The following TLR2 variants were observed in gnomAD, a reference collection of about 807,000 sequenced individuals.
TLR2 encodes the protein toll like receptor 2.
In TLR2, 7 loss-of-function variants were observed where a neutral mutation model predicts 9.1. That is an observed-to-expected ratio of 0.77 (90% CI 0.44 to 1.44). TLR2 has a LOEUF of 1.44. Among genes scored for constraint, TLR2 ranks in the 40% most tolerant of loss-of-function variants. The pLI is 0.01. For missense variants in TLR2, 812 were observed against 904.6 expected (o/e 0.90, Z 1.31); for synonymous variants, 317 against 344.6 (o/e 0.92, Z 0.89).
At chr4:153,691,644 C>T (rs1347235620) in intron 2 of TLR2, among the ~76,000 whole-genome samples, 1 of 152,086 alleles carries the variant, frequency 6.6e-6, no homozygotes, top group Non-Finnish European at 1.5e-5. Flanking sequence ...TTGTTAATTG[C>T]TGAGGGCTAA....
intron 2 of TLR2, among the ~76,000 whole-genome samples, chr4:153,693,198 G>A (rs990876905): frequency 3.9e-5 from 6 of 152,100 alleles, no homozygotes; most frequent in African/African-American, 1.4e-4. Context: ...GTACTTGCAC[G>A]CCTTTTAAAT....
At position 153,704,639 on chromosome 4, in the gene TLR2, G is replaced by A. The variant is rs766218196; in HGVS notation, c.1732G>A (p.Val578Ile). The A allele has an allele frequency of 1.9e-5, 31 of 1,613,444 alleles. 1 individual carries two copies. In the Admixed American group the frequency reaches 5.2e-4, roughly 27 times the overall value. Residue 578 changes from valine (V) to isoleucine (I), a missense_variant, in exon 3 of 3, where the codon GTC becomes ATC. Coordinates refer to ENST00000642700, the MANE Select transcript of TLR2 (RefSeq NM_001318789.2). ...SHVRGQQVQD[V>I]RLSVSECHRT... ...TGTGCGTGGCCAGCAGGTTCAGGATGTCCGCCTCTCGGTGTCGGAATGTCA... is the reference window on the plus strand; with the variant it reads ...TGTGCGTGGCCAGCAGGTTCAGGATATCCGCCTCTCGGTGTCGGAATGTCA...
chr4:153,710,119 G>C, downstream of TLR2: 1 of 352,472 alleles, frequency 2.8e-6, no homozygotes, highest in Non-Finnish European at 5.2e-6. Flanking sequence ...CCACAGTGCA[G>C]TGTAACAAAT....
At chr4:153,697,961 C>T (rs1736619552) in intron 2 of TLR2, among the ~76,000 whole-genome samples, 1 of 152,148 alleles carries the variant, frequency 6.6e-6, no homozygotes, top group Non-Finnish European at 1.5e-5. Flanking sequence ...TGTGAACTCT[C>T]ATCATATCTT....
At chr4:153,702,747 TC>T in intron 2 of TLR2, 144 bp from the exon 3 acceptor site, 1 of 660,226 alleles carries the variant, frequency 1.5e-6, no homozygotes, top group South Asian at 2.3e-5. Context: ...CATCTGTTTC[TC>T]TCTCTCTCTC....
At position 153,705,075 on chromosome 4, in the gene TLR2, G is replaced by T; in HGVS notation, c.2168G>T (p.Arg723Leu). ...CKYELDFSHFRLFDENNDAAI... is the reference protein window; with the variant it reads ...CKYELDFSHFLLFDENNDAAI... ...TATGAACTGGACTTCTCCCATTTCC[G>T]TCTTTTTGATGAGAACAATGATGCT... is the stretch of plus-strand genomic sequence containing the variant. The change falls in exon 3 of 3, where the codon CGT becomes CTT. Residue 723 changes from arginine to leucine, a missense_variant. By Grantham distance (102) the Arg-to-Leu change is moderately radical. Coordinates refer to ENST00000642700, the MANE Select transcript of TLR2 (RefSeq NM_001318789.2). The T allele has an allele frequency of 3.1e-6, 5 of 1,614,028 alleles. No homozygotes were observed. Among genetic ancestry groups the T allele is most frequent in the Non-Finnish European group, 3.4e-6 (4 of 1,179,998 alleles).
chr4:153,689,314 A>G (rs1450609687), intron 2 of TLR2, among the ~76,000 whole-genome samples: 1 of 152,224 alleles, frequency 6.6e-6, no homozygotes, highest in Non-Finnish European at 1.5e-5. Flanking sequence ...CCACTATACC[A>G]TCATGTTTCC....
At chr4:153,709,681 G>A (rs529900739), downstream of TLR2, among the ~76,000 whole-genome samples, 15 of 152,342 alleles carry the variant, frequency 9.8e-5, no homozygotes, top group Admixed American at 7.8e-4. Flanking sequence ...AAAGCAGAGT[G>A]CCACAATGGA....
intron 2 of TLR2, among the ~76,000 whole-genome samples, chr4:153,696,615 A>G (rs983684177): frequency 2.0e-5 from 3 of 152,206 alleles, no homozygotes; most frequent in Non-Finnish European, 4.4e-5. Flanking sequence ...CCATTACCAA[A>G]TGTGTTTTCT....
Position 153,704,181 on chromosome 4 carries a change from TTCA to T in TLR2, c.1276_1278del (p.His426del). 6.2e-7 allele frequency: 1 copy of T among 1,614,114 alleles called. No homozygotes were observed. Among genetic ancestry groups the T allele is most frequent in the Non-Finnish European group, 8.5e-7 (1 of 1,180,024 alleles). ...AACATTGATATCAGTAAGAATAGTT[TTCA>T]TTCTATGCCTGAAACTTGTCAGTGG... On this transcript the variant is annotated inframe_deletion, in exon 3 of 3. Transcript: ENST00000642700.
rs888551058 is a variant in TLR2, at chr4:153,687,814, C to T, written c.-162-88C>T. The T allele has an allele frequency of 2.0e-5, 3 of 152,308 alleles. No individual in the cohort carries two copies. The South Asian group carries it at 6.2e-4, about 32-fold the overall frequency. The allele number at this position is 152,308 out of a possible 1,614,324, so 9.4% of individuals were successfully genotyped here. A position where few individuals can be genotyped will look rare whatever the true frequency, so the allele number is the denominator to read the frequency against. ...CTCACTGCTCACACTGTTGGATGCT[C>T]TCTGAAACTTTTGTGAATCTGAGTG... On this transcript the variant is annotated intron_variant, in intron 1 of 2. Coordinates refer to ENST00000642700, the MANE Select transcript of TLR2 (RefSeq NM_001318789.2).
chr4:153,706,894 T>C (rs1346655756), downstream of TLR2, among the ~76,000 whole-genome samples: 4 of 152,194 alleles, frequency 2.6e-5, no homozygotes, highest in African/African-American at 9.7e-5. Context: ...GGAATGTAAG[T>C]AAACCATGAG....
At chr4:153,697,229 C>G (rs141049867) in intron 2 of TLR2, among the ~76,000 whole-genome samples, 45 of 152,070 alleles carry the variant, frequency 3.0e-4, no homozygotes, top group Admixed American at 2.9e-3. Context: ...CATACTGACA[C>G]AGAACTAGAA....
In TLR2 at chr4:153,703,396, T is replaced by C. The variant is rs145457376; in HGVS notation, c.489T>C (p.Thr163=). 3.1e-6 allele frequency: 5 copies of C among 1,614,064 alleles called. No individual in the cohort carries two copies. Among genetic ancestry groups the C allele is most frequent in the Non-Finnish European group, 4.2e-6 (5 of 1,180,020 alleles). ...GAGTGGGAAATATGGACACCTTCAC[T>C]AAGATTCAAAGAAAAGATTTTGCTG... ...ILRVGNMDTF[T]KIQRKDFAGL... Residue 163 remains threonine, a synonymous_variant, in exon 3 of 3, where the codon ACT becomes ACC. Transcript: ENST00000642700.
intron 1 of TLR2, among the ~76,000 whole-genome samples, chr4:153,685,674 A>G (rs1050978067): frequency 1.3e-5 from 2 of 152,236 alleles, no homozygotes; most frequent in African/African-American, 4.8e-5. Flanking sequence ...AACTGCCAGA[A>G]GTTGACAGCA....
intron 2 of TLR2, 150 bp from the exon 3 acceptor site, chr4:153,702,742 G>A: frequency 1.4e-6 from 1 of 690,312 alleles, no homozygotes. Flanking sequence ...CCATTCATCT[G>A]TTTCTCTCTC....
chr4:153,705,476 C>A lies in TLR2; in HGVS notation c.*214C>A. The A allele has an allele frequency of 2.1e-6, 1 of 471,774 alleles. No homozygotes were observed. Among genetic ancestry groups the A allele is most frequent in the Non-Finnish European group, 3.8e-6 (1 of 262,202 alleles). The allele number at this position is 471,774 out of a possible 1,614,324, so 29.2% of individuals were successfully genotyped here. ...AATTGGTTTTTGGTTTTTCTTTTTT[C>A]TATGAGATAACCATGATCATAAGTC... On this transcript the variant is annotated 3_prime_UTR_variant, in exon 3 of 3. Coordinates refer to ENST00000642700, the MANE Select transcript of TLR2 (RefSeq NM_001318789.2).
chr4:153,703,350 T>TC lies in TLR2; in HGVS notation c.444dup (p.Thr149HisfsTer16). The TC allele has an allele frequency of 6.2e-7, 1 of 1,614,060 alleles. No homozygotes were observed. The highest frequency in any genetic ancestry group is 1.1e-5 in the South Asian group (1 of 91,024). ...GGGGAAACATCTCTTTTTTCTCATC[T>TC]CACAAAATTGCAAATCCTGAGAGTG... On this transcript the variant is annotated frameshift_variant, in exon 3 of 3. Transcript: ENST00000642700. LOFTEE classifies it low-confidence loss of function (END_TRUNC).
At chr4:153,699,888 A>G (rs918381063) in intron 2 of TLR2, among the ~76,000 whole-genome samples, 1 of 152,184 alleles carries the variant, frequency 6.6e-6, no homozygotes, top group African/African-American at 2.4e-5. Flanking sequence ...TATATGCCAT[A>G]TTGTGTTAGA....
Sources: allele counts gnomAD v4.1 joint callset (sites outside exome capture counted in the v4.1 genomes callset), GRCh38; gene constraint gnomAD v4.1.1; transcripts MANE v1.5; gene names NCBI Gene and HGNC (gene_info 2026-07-23, HGNC 2026-07-21).